The following AFF3 variants were observed in gnomAD, a reference collection of about 807,000 sequenced individuals.
AFF3 encodes the protein AF4/FMR2 family member 3.
In AFF3, 32 loss-of-function variants were observed where a neutral mutation model predicts 129.7. That is an observed-to-expected ratio of 0.25 (90% confidence interval 0.19 to 0.33). The LOEUF (loss-of-function observed/expected upper bound fraction) is 0.33. Ranked by LOEUF, AFF3 falls within the 10% of genes least tolerant of loss-of-function variation. The pLI, the probability that AFF3 is intolerant of heterozygous loss-of-function variation, is 1.00. For synonymous variants in AFF3, 644 were observed against 635.4 expected, an observed-to-expected ratio of 1.01 and a Z score of -0.20; for missense variants, 1,373 against 1,592.0, an observed-to-expected ratio of 0.86 and a Z score of 2.34.
At chr2:99,590,155 T>C (rs1382842287) in intron 15 of AFF3, among the ~76,000 whole-genome samples, 1 of 152,212 alleles carries the variant, frequency 6.6e-6, no homozygotes, top group Non-Finnish European at 1.5e-5. Flanking sequence ...AGACCCTCTT[T>C]GGAATGTCTT....
chr2:99,697,505 A>T (rs1279147158), intron 11 of AFF3, among the ~76,000 whole-genome samples: 2 of 152,266 alleles, frequency 1.3e-5, no homozygotes, highest in African/African-American at 4.8e-5. Context: ...GAGGAAGAGC[A>T]ATTTGTAAAA....
intron 7 of AFF3, among the ~76,000 whole-genome samples, chr2:99,898,590 A>G (rs1028795948): frequency 2.5e-4 from 38 of 152,136 alleles, no homozygotes; most frequent in Non-Finnish European, 5.1e-4. Context: ...TGCCCCGGGC[A>G]TGGCATCACA....
At chr2:99,599,293 C>G (rs1679588854) in intron 14 of AFF3, among the ~76,000 whole-genome samples, 1 of 152,234 alleles carries the variant, frequency 6.6e-6, no homozygotes, top group South Asian at 2.1e-4. Context: ...GAGTCTCGCT[C>G]TGTCACCCAG....
At chr2:99,966,788 GATAA>G (rs1306354706) in intron 7 of AFF3, among the ~76,000 whole-genome samples, 14 of 143,520 alleles carry the variant, frequency 9.8e-5, no homozygotes, top group South Asian at 2.4e-4. Flanking sequence ...TTAAGTCATT[GATAA>G]ATAAAATCTT....
At chr2:99,665,656 T>C (rs1686609984) in intron 12 of AFF3, among the ~76,000 whole-genome samples, 1 of 152,184 alleles carries the variant, frequency 6.6e-6, no homozygotes, top group African/African-American at 2.4e-5. Context: ...GGGATATAAC[T>C]TTAGAAATTG....
At chr2:99,878,392 A>G (rs1313829848) in intron 7 of AFF3, among the ~76,000 whole-genome samples, 1 of 152,206 alleles carries the variant, frequency 6.6e-6, no homozygotes, top group African/African-American at 2.4e-5. Context: ...AAAATTTTCA[A>G]CCTGTAATCA....
chr2:99,772,321 A>G (rs1683557408), intron 8 of AFF3, among the ~76,000 whole-genome samples: 1 of 152,146 alleles, frequency 6.6e-6, no homozygotes, highest in Non-Finnish European at 1.5e-5. Context: ...GAGTCCTGTG[A>G]GAAGAACTGT....
At chr2:99,715,634 ACT>A (rs1400223208) in intron 11 of AFF3, among the ~76,000 whole-genome samples, 1 of 145,176 alleles carries the variant, frequency 6.9e-6, no homozygotes. Flanking sequence ...GGAGTTCAAC[ACT>A]CTCTGTTTAT....
intron 4 of AFF3, chr2:100,011,408 G>A (rs540804417): frequency 1.9e-5 from 15 of 774,836 alleles, no homozygotes; most frequent in African/African-American, 6.8e-5. Context: ...TGTGATGCAC[G>A]AAGTGGCCTC....
intron 4 of AFF3, among the ~76,000 whole-genome samples, chr2:100,039,904 C>T (rs563909941): frequency 5.9e-4 from 90 of 152,302 alleles, no homozygotes; most frequent in Non-Finnish European, 1.1e-3. Context: ...ACAGGAACTC[C>T]TCTTTGCTGT....
chr2:100,073,064 C>A (rs193001668), intron 4 of AFF3, among the ~76,000 whole-genome samples: 2 of 152,218 alleles, frequency 1.3e-5, no homozygotes, highest in African/African-American at 4.8e-5. Context: ...ACTTCAGCCT[C>A]AGAGGATCTT....
chr2:99,711,225 T>A (rs889499063), intron 11 of AFF3, among the ~76,000 whole-genome samples: 11 of 152,120 alleles, frequency 7.2e-5, no homozygotes, highest in Non-Finnish European at 1.5e-4. Flanking sequence ...GCGTGTGGTG[T>A]CTCCAAGAGG....
Position 99,879,394 on chromosome 2 carries a change from T to C in AFF3, c.874-41870A>G, listed in dbSNP as rs1311939895. ...TTCTGGGCTGTGCTCATCAACTTCC[T>C]AGTAGCTCCATAAACGTGTATAACA... On this transcript the variant is annotated intron_variant, in intron 7 of 24. Transcript: ENST00000672756. 3.3e-5 allele frequency among the ~76,000 whole-genome samples: 5 copies of C among 152,200 alleles called. No homozygotes were observed. The East Asian group carries it at 9.6e-4, about 29-fold the overall frequency.
chr2:100,042,628 T>A (rs184080095), intron 4 of AFF3, among the ~76,000 whole-genome samples: 1 of 152,204 alleles, frequency 6.6e-6, no homozygotes, highest in Non-Finnish European at 1.5e-5. Flanking sequence ...AGCAGCTGCA[T>A]ACTTAATTAT....
intron 24 of AFF3, among the ~76,000 whole-genome samples, chr2:99,552,149 G>A (rs1575323732): frequency 6.6e-6 from 1 of 152,204 alleles, no homozygotes; most frequent in East Asian, 1.9e-4. Flanking sequence ...ACTTTAGGAG[G>A]CTGAGGCGGG....
At chr2:99,748,504 G>A (rs1424735365) in intron 9 of AFF3, among the ~76,000 whole-genome samples, 1 of 152,126 alleles carries the variant, frequency 6.6e-6, no homozygotes, top group Non-Finnish European at 1.5e-5. Flanking sequence ...GTGATGTGGT[G>A]ACTGCCACTC....
intron 7 of AFF3, among the ~76,000 whole-genome samples, chr2:99,879,225 C>T (rs764848073): frequency 6.6e-6 from 1 of 152,218 alleles, no homozygotes; most frequent in African/African-American, 2.4e-5. Flanking sequence ...CTACACAGTT[C>T]ATAATGAGTT....
chr2:99,968,754 G>T (rs981146563), intron 7 of AFF3, among the ~76,000 whole-genome samples: 3 of 152,132 alleles, frequency 2.0e-5, no homozygotes, highest in Non-Finnish European at 4.4e-5. Flanking sequence ...GTCATAAAAG[G>T]CATGGGCAGC....
intron 4 of AFF3, among the ~76,000 whole-genome samples, chr2:100,066,493 T>C (rs1033349860): frequency 4.6e-5 from 7 of 152,208 alleles, no homozygotes; most frequent in Admixed American, 2.0e-4. Context: ...TTCCATTTCT[T>C]AAATGTGTTT....
Sources: gnomAD v4.1 joint callset for allele counts (sites outside exome capture counted in the v4.1 genomes callset) on GRCh38, gnomAD v4.1.1 for gene constraint, MANE v1.5 for transcripts, NCBI Gene and HGNC (gene_info 2026-07-23, HGNC 2026-07-21) for gene names.